PCCA: variants seen among roughly 807,000 people sequenced by gnomAD.
The protein encoded by PCCA is propionyl-CoA carboxylase alpha chain, mitochondrial.
In PCCA, 74 loss-of-function variants were observed where a neutral mutation model predicts 101.3. That is an observed-to-expected ratio of 0.73 (90% CI 0.61 to 0.89). The LOEUF (loss-of-function observed/expected upper bound fraction) is 0.89, where lower values mean the gene tolerates loss of function less well. PCCA is among the 40% of genes least tolerant of loss of function. The probability of loss-of-function intolerance (pLI) is 0.00; values close to 1 mark genes in which losing one functional copy is unlikely to be tolerated. For missense variants in PCCA, 891 were observed against 907.0 expected (o/e 0.98, Z 0.23); for synonymous variants, 294 against 313.6 (o/e 0.94, Z 0.66).
chr13:100,430,144 G>T (rs904041354), intron 20 of PCCA, among the ~76,000 whole-genome samples: 2 of 151,814 alleles, frequency 1.3e-5, no homozygotes, highest in African/African-American at 2.4e-5. Context: ...GCATGGTGGC[G>T]CATGCCTGTA....
At chr13:100,493,470 G>A (rs1347506574) in intron 21 of PCCA, among the ~76,000 whole-genome samples, 2 of 152,102 alleles carry the variant, frequency 1.3e-5, no homozygotes, top group Admixed American at 6.5e-5. Flanking sequence ...GAGTACGTCC[G>A]AGCTCCACAC....
chr13:100,405,792 G>C (rs1489814191), intron 19 of PCCA, among the ~76,000 whole-genome samples: 1 of 88,384 alleles, frequency 1.1e-5, no homozygotes, highest in African/African-American at 4.3e-5. Flanking sequence ...TTTTTTTTGA[G>C]ATGGAGTCTT....
intron 6 of PCCA, among the ~76,000 whole-genome samples, chr13:100,174,337 C>T (rs2056021688): frequency 6.6e-6 from 1 of 151,458 alleles, no homozygotes; most frequent in South Asian, 2.1e-4. Flanking sequence ...GTATGGAAAA[C>T]TTAAATGTAG....
intron 21 of PCCA, among the ~76,000 whole-genome samples, chr13:100,514,901 G>A (rs2086719624): frequency 6.6e-6 from 1 of 152,142 alleles, no homozygotes; most frequent in Admixed American, 6.5e-5. Context: ...CTGAAAAAAT[G>A]GAATTTTAAA....
chr13:100,487,078 C>A (rs1285760725), intron 21 of PCCA, among the ~76,000 whole-genome samples: 8 of 151,960 alleles, frequency 5.3e-5, no homozygotes, highest in Admixed American at 5.2e-4. Flanking sequence ...GAAAAATACA[C>A]CAAGGTAAAG....
At chr13:100,191,266 A>C (rs1023116531) in intron 6 of PCCA, among the ~76,000 whole-genome samples, 1 of 152,208 alleles carries the variant, frequency 6.6e-6, no homozygotes, top group African/African-American at 2.4e-5. Flanking sequence ...AAGCTTCTTA[A>C]GGTTTCAAGT....
chr13:100,425,732 G>C lies in PCCA; in HGVS notation c.1845+1G>C, dbSNP rs1595860868. On this transcript the variant is annotated splice_donor_variant, in intron 20 of 23. Transcript: ENST00000376285. LOFTEE classifies it high-confidence loss of function. Reference sequence around the variant, plus strand: ...TGATGGCACTCAGAGGACTGTCCAGGTGAGTGTTGTAAGGATTTCCTTAGA... The same window carrying C: ...TGATGGCACTCAGAGGACTGTCCAGCTGAGTGTTGTAAGGATTTCCTTAGA... 2 of 1,605,816 alleles carry C rather than the reference G, an allele frequency of 1.2e-6. No homozygotes were observed. Among genetic ancestry groups the C allele is most frequent in the Non-Finnish European group, 1.7e-6 (2 of 1,172,468 alleles).
At chr13:100,328,051 G>A (rs1341457804) in intron 16 of PCCA, among the ~76,000 whole-genome samples, 1 of 151,984 alleles carries the variant, frequency 6.6e-6, no homozygotes, top group Non-Finnish European at 1.5e-5. Context: ...GCAAAAACGT[G>A]TCTCTACAAA....
rs565908147 is a variant in PCCA, at chr13:100,157,062, G to C, written c.415-225G>C. ...AAGGTAGTGTGTGGAAAATGAATCA[G>C]TTAGGACAAAGGGAGTGTGGAGAAA... On this transcript the variant is annotated intron_variant, in intron 5 of 23. Transcript: ENST00000376285. 6.8e-4 allele frequency among the ~76,000 whole-genome samples: 104 copies of C among 152,320 alleles called. 1 individual carries two copies. Among genetic ancestry groups the C allele is most frequent in the African/African-American group, 2.3e-3 (95 of 41,568 alleles).
chr13:100,187,997 C>T (rs932666288), intron 6 of PCCA, among the ~76,000 whole-genome samples: 8 of 151,140 alleles, frequency 5.3e-5, no homozygotes, highest in African/African-American at 1.7e-4. Context: ...TGAGAACATA[C>T]GATGTTTGGT....
At chr13:100,513,894 G>A (rs991373734) in intron 21 of PCCA, among the ~76,000 whole-genome samples, 7 of 152,156 alleles carry the variant, frequency 4.6e-5, no homozygotes, top group African/African-American at 1.7e-4. Flanking sequence ...TTCCCCCATT[G>A]CAGACAGCAC....
At chr13:100,437,047 A>C (rs555049720) in intron 20 of PCCA, among the ~76,000 whole-genome samples, 1 of 152,318 alleles carries the variant, frequency 6.6e-6, no homozygotes, top group East Asian at 1.9e-4. Context: ...CGGCTGTTTT[A>C]GGCCCACAGT....
chr13:100,366,786 A>G (rs1168864653), intron 18 of PCCA, among the ~76,000 whole-genome samples: 1 of 151,232 alleles, frequency 6.6e-6, no homozygotes, highest in Non-Finnish European at 1.5e-5. Context: ...ATTATTGTTG[A>G]TGCATTTTTT....
At chr13:100,132,709 T>C (rs1049164165) in intron 4 of PCCA, among the ~76,000 whole-genome samples, 4 of 152,180 alleles carry the variant, frequency 2.6e-5, no homozygotes, top group African/African-American at 9.6e-5. Context: ...GCTAGACTTT[T>C]CCAGAGTTGC....
rs756362677 is a variant in PCCA at position 100,111,957 on chromosome 13, A to C, written c.232-36A>C. ...ATTTATTAAACCCCTTTAAGTGTGA[A>C]TCACTATTAATAGACATTAATATAT... On this transcript the variant is annotated intron_variant, in intron 3 of 23. Transcript: ENST00000376285. 8 of 1,572,970 alleles carry C rather than the reference A, an allele frequency of 5.1e-6. No individual in the cohort carries two copies. In the South Asian group the frequency reaches 5.5e-5, roughly 11 times the overall value.
At chr13:100,422,094 C>CTTTCT in intron 19 of PCCA, among the ~76,000 whole-genome samples, 1 of 132,024 alleles carries the variant, frequency 7.6e-6, no homozygotes, top group African/African-American at 3.0e-5. Flanking sequence ...TTCTTTCTTT[C>CTTTCT]TTTCTTTCTT....
intron 6 of PCCA, among the ~76,000 whole-genome samples, chr13:100,197,515 G>T (rs919092523): frequency 4.6e-5 from 7 of 152,118 alleles, no homozygotes; most frequent in African/African-American, 1.7e-4. Context: ...TGTGATCTTG[G>T]CTCACTGCAA....
chr13:100,361,100 A>G (rs9585413), intron 18 of PCCA, among the ~76,000 whole-genome samples: 9,538 of 152,188 alleles, frequency 0.063, 337 homozygotes, highest in Non-Finnish European at 0.074. Context: ...AGGCAAACCT[A>G]TGGAGATGGT....
chr13:100,309,115 C>T (rs1224367853), intron 15 of PCCA, among the ~76,000 whole-genome samples: 2 of 152,150 alleles, frequency 1.3e-5, no homozygotes, highest in Non-Finnish European at 2.9e-5. Context: ...GTGTTAAGGG[C>T]TGGACGCAGT....
Sources: gnomAD v4.1 joint callset for allele counts (sites outside exome capture counted in the v4.1 genomes callset) on GRCh38, gnomAD v4.1.1 for gene constraint, MANE v1.5 for transcripts, NCBI Gene and HGNC (gene_info 2026-07-23, HGNC 2026-07-21) for gene names.